NELL1: variants seen among roughly 807,000 people sequenced by gnomAD.
NELL1 encodes protein kinase C-binding protein NELL1.
A neutral mutation model predicts 107.4 loss-of-function variants in NELL1; 76 were observed. The observed-to-expected ratio is 0.71, with a 90% confidence interval of 0.59 to 0.86. NELL1 has a LOEUF of 0.86. Ranked by LOEUF, NELL1 falls within the 40% of genes least tolerant of loss-of-function variation. The probability of loss-of-function intolerance (pLI) is 0.00; values close to 1 mark genes in which losing one functional copy is unlikely to be tolerated. For synonymous variants in NELL1, 353 were observed against 341.2 expected, an observed-to-expected ratio of 1.03 and a Z score of -0.38; for missense variants, 1,024 against 1,005.5, an observed-to-expected ratio of 1.02 and a Z score of -0.25.
At position 20,963,012 on chromosome 11, in the gene NELL1, G is replaced by A. The variant is rs187511150; in HGVS notation, c.1300+2452G>A. Reference sequence around the variant, plus strand: ...GGAGGCACAGAGAACCCAGTAGAGTGAATGCCAACATTTAGAGCAGATGCC... The same window carrying A: ...GGAGGCACAGAGAACCCAGTAGAGTAAATGCCAACATTTAGAGCAGATGCC... On this transcript the variant is annotated intron_variant, in intron 12 of 19. Transcript: ENST00000357134. Among the ~76,000 whole-genome samples, 80 of 152,238 alleles carry A rather than the reference G, an allele frequency of 5.3e-4. 2 individuals carry two copies. The East Asian group carries it at 9.9e-3, about 19-fold the overall frequency.
At chr11:21,345,378 C>A (rs1219903340) in intron 14 of NELL1, among the ~76,000 whole-genome samples, 1 of 152,132 alleles carries the variant, frequency 6.6e-6, no homozygotes, top group Non-Finnish European at 1.5e-5. Flanking sequence ...ACAACATTAA[C>A]ATTAATGAAC....
chr11:21,018,131 A>G (rs1006189621), intron 12 of NELL1, among the ~76,000 whole-genome samples: 1 of 152,238 alleles, frequency 6.6e-6, no homozygotes, highest in Middle Eastern at 3.4e-3. Flanking sequence ...TGATTGACAT[A>G]TTCAATTACA....
chr11:21,537,625 A>G (rs575186740), intron 16 of NELL1, among the ~76,000 whole-genome samples: 1 of 136,192 alleles, frequency 7.3e-6, no homozygotes, highest in South Asian at 2.5e-4. Context: ...TGTGTGTAAT[A>G]TTCTCTTGCC....
chr11:21,171,028 A>G (rs1040170218), intron 13 of NELL1, among the ~76,000 whole-genome samples: 1 of 151,828 alleles, frequency 6.6e-6, no homozygotes, highest in Non-Finnish European at 1.5e-5. Flanking sequence ...CAGCCTATTA[A>G]TGAAGATTTA....
rs540089688 is a variant in NELL1 at position 21,364,097 on chromosome 11, T to G, written c.1550-6756T>G. On this transcript the variant is annotated intron_variant, in intron 14 of 19. Transcript: ENST00000357134. The stretch of plus-strand genomic sequence containing the variant: ...TAAAACTAAGAGCAACATCTCAATT[T>G]GAAGATTTCAGGAGTAATGTAAAAG... Among the ~76,000 whole-genome samples, 3 of 152,224 alleles carry G rather than the reference T, an allele frequency of 2.0e-5. No individual in the cohort carries two copies. In the East Asian group the frequency reaches 5.8e-4, roughly 29 times the overall value.
intron 15 of NELL1, among the ~76,000 whole-genome samples, chr11:21,490,161 G>GA (rs944528445): frequency 4.0e-5 from 6 of 151,564 alleles, no homozygotes; most frequent in African/African-American, 1.2e-4. Flanking sequence ...ACTAGCAGAG[G>GA]AAAAAAATCA....
At chr11:21,327,162 G>GGT (rs1565169810) in intron 14 of NELL1, among the ~76,000 whole-genome samples, 5 of 96,948 alleles carry the variant, frequency 5.2e-5, no homozygotes, top group East Asian at 3.0e-4. Flanking sequence ...GAGATCTGAT[G>GGT]TTTTTTTTTT....
chr11:20,787,368 A>G (rs1856989211), intron 3 of NELL1, among the ~76,000 whole-genome samples: 1 of 152,240 alleles, frequency 6.6e-6, no homozygotes. Context: ...TAGTCTATTC[A>G]TTATAACTCT....
At position 21,417,344 on chromosome 11, in the gene NELL1, C is replaced by T. The variant is rs1669773249; in HGVS notation, c.1645+46396C>T. Among the ~76,000 whole-genome samples the T allele has an allele frequency of 1.3e-5, 2 of 152,050 alleles. 1 individual carries two copies. Among genetic ancestry groups the T allele is most frequent in the Middle Eastern group, 6.8e-3 (2 of 294 alleles). On this transcript the variant is annotated intron_variant, in intron 15 of 19. Coordinates refer to ENST00000357134, the MANE Select transcript of NELL1 (RefSeq NM_006157.5). ...TTTCTTACCTTTTTGGTGGTATTTA[C>T]TCAGAAGTTACTAGGAATCTTTTTA...
chr11:21,401,414 C>T (rs1430686307), intron 15 of NELL1, among the ~76,000 whole-genome samples: 5 of 151,906 alleles, frequency 3.3e-5, no homozygotes, highest in African/African-American at 1.2e-4. Context: ...AAATGAAAAT[C>T]GCTTACTTGA....
rs1041886727 is a variant in NELL1, at chr11:21,183,776, A to C, written c.1427-45556A>C. On this transcript the variant is annotated intron_variant, in intron 13 of 19. Coordinates refer to ENST00000357134, the MANE Select transcript of NELL1 (RefSeq NM_006157.5). ...CCAACAGATATTACTTTATTTTAAT[A>C]ATGTGATTGGAATCAGGTGATTGGA... Among the ~76,000 whole-genome samples the C allele has an allele frequency of 1.3e-5, 2 of 151,820 alleles. 1 individual carries two copies. The highest frequency in any genetic ancestry group is 4.9e-5 in the African/African-American group (2 of 41,098).
chr11:21,572,990 T>A (rs143297323), intron 18 of NELL1, among the ~76,000 whole-genome samples, 195 bp from the exon 19 acceptor site: 1,717 of 151,946 alleles, frequency 0.011, 16 homozygotes, highest in Non-Finnish European at 0.019. Flanking sequence ...GCAGTATAGA[T>A]GATCAGCAAA....
chr11:20,992,524 T>C (rs10766757), intron 12 of NELL1, among the ~76,000 whole-genome samples: 25,965 of 152,032 alleles, frequency 0.17, 2,455 homozygotes, highest in Middle Eastern at 0.32. Flanking sequence ...GTTCTGTTCA[T>C]AGTTTTTTGT....
chr11:20,804,748 T>A (rs773954465), intron 3 of NELL1, among the ~76,000 whole-genome samples: 1 of 152,224 alleles, frequency 6.6e-6, no homozygotes, highest in Non-Finnish European at 1.5e-5. Context: ...GAGAAGCATA[T>A]GTATTCTGCA....
chr11:21,395,770 A>G (rs140845943), intron 15 of NELL1, among the ~76,000 whole-genome samples: 3 of 151,614 alleles, frequency 2.0e-5, no homozygotes, highest in African/African-American at 7.2e-5. Flanking sequence ...CATCAGTGGA[A>G]ATTACATTGG....
At chr11:21,059,728 T>A (rs1419739497) in intron 12 of NELL1, among the ~76,000 whole-genome samples, 4 of 152,118 alleles carry the variant, frequency 2.6e-5, no homozygotes, top group Admixed American at 1.3e-4. Flanking sequence ...AGCATGGGGA[T>A]GAGTAAACAG....
At chr11:20,979,903 T>C (rs1851715256) in intron 12 of NELL1, among the ~76,000 whole-genome samples, 1 of 152,152 alleles carries the variant, frequency 6.6e-6, no homozygotes, top group Admixed American at 6.5e-5. Flanking sequence ...ATTTATCATT[T>C]TGGCTTTTTT....
At chr11:20,898,944 T>A (rs1317884106) in intron 5 of NELL1, among the ~76,000 whole-genome samples, 1 of 152,096 alleles carries the variant, frequency 6.6e-6, no homozygotes, top group Non-Finnish European at 1.5e-5. Context: ...TTTTATGATT[T>A]GTGTAACTAT....
intron 3 of NELL1, among the ~76,000 whole-genome samples, chr11:20,792,500 TTATC>T (rs1435747198): frequency 6.6e-5 from 10 of 152,112 alleles, no homozygotes; most frequent in South Asian, 4.1e-4. Flanking sequence ...CTATCTGTCT[TTATC>T]TATCTAGTCA....
Sources: gnomAD v4.1 joint callset for allele counts (sites outside exome capture counted in the v4.1 genomes callset) on GRCh38, gnomAD v4.1.1 for gene constraint, MANE v1.5 for transcripts, NCBI Gene and HGNC (gene_info 2026-07-23, HGNC 2026-07-21) for gene names.